Variants in UBE4B observed in about 807,000 individuals in gnomAD.
UBE4B encodes ubiquitin conjugation factor E4 B.
UBE4B carries 27 observed loss-of-function variants against 148.1 expected under a neutral mutation model. The ratio of observed to expected loss-of-function variants is 0.18; its 90% CI spans 0.13 to 0.25. UBE4B has a LOEUF of 0.25. UBE4B is among the 10% of genes least tolerant of loss of function. The pLI is 1.00. For synonymous variants in UBE4B, 596 were observed against 619.3 expected, an observed-to-expected ratio of 0.96 and a Z score of 0.56; for missense variants, 1,170 against 1,662.4, an observed-to-expected ratio of 0.70 and a Z score of 5.15.
At chr1:10,043,210 T>C (rs1182060229) in intron 1 of UBE4B, among the ~76,000 whole-genome samples, 2 of 151,634 alleles carry the variant, frequency 1.3e-5, no homozygotes, top group Admixed American at 6.6e-5. Context: ...AGTTTTACCA[T>C]GTTGACCAGG....
chr1:10,067,057 T>G (rs1644398698), intron 1 of UBE4B, among the ~76,000 whole-genome samples: 1 of 152,220 alleles, frequency 6.6e-6, no homozygotes. Flanking sequence ...GACTGTTTAT[T>G]AAACTTATAA....
intron 8 of UBE4B, among the ~76,000 whole-genome samples, chr1:10,118,011 G>A (rs1473690584): frequency 6.6e-6 from 1 of 152,208 alleles, no homozygotes; most frequent in East Asian, 1.9e-4. Flanking sequence ...TAGTGCAGTG[G>A]AACCCGGTAT....
intron 2 of UBE4B, among the ~76,000 whole-genome samples, chr1:10,083,009 T>C (rs1254995861): frequency 1.3e-5 from 2 of 152,160 alleles, no homozygotes; most frequent in African/African-American, 4.8e-5. Flanking sequence ...TACGGCTGCA[T>C]AGTATTGCAT....
At chr1:10,109,989 G>A (rs1007890762) in intron 7 of UBE4B, among the ~76,000 whole-genome samples, 1 of 152,176 alleles carries the variant, frequency 6.6e-6, no homozygotes. Context: ...GTGAGCCACT[G>A]CGTCCAGCCA....
At chr1:10,108,010 T>A (rs926850914) in intron 7 of UBE4B, among the ~76,000 whole-genome samples, 8 of 152,204 alleles carry the variant, frequency 5.3e-5, no homozygotes, top group African/African-American at 1.9e-4. Flanking sequence ...TGAGGGACCC[T>A]TCATTTATCT....
chr1:10,117,364 C>A (rs1645329608), intron 7 of UBE4B, 95 bp from the exon 8 acceptor site: 1 of 1,541,654 alleles, frequency 6.5e-7, no homozygotes, highest in Admixed American at 1.9e-5. Context: ...GTTATGTGTA[C>A]AGGGATCCTA....
At chr1:10,178,011 A>C (rs1646451730) in intron 25 of UBE4B, among the ~76,000 whole-genome samples, 2 of 151,012 alleles carry the variant, frequency 1.3e-5, no homozygotes, top group Non-Finnish European at 1.5e-5. Flanking sequence ...CCACTCCACA[A>C]CTTCCCTTCC....
At chr1:10,166,967 ACAC>A (rs1182983597) in intron 23 of UBE4B, among the ~76,000 whole-genome samples, 14 of 134,296 alleles carry the variant, frequency 1.0e-4, no homozygotes, top group African/African-American at 4.0e-4. Context: ...ACACACACAC[ACAC>A]AAAAAAAAAA....
chr1:10,059,714 T>A (rs1289595300), intron 1 of UBE4B: 1 of 152,750 alleles, frequency 6.5e-6, no homozygotes, highest in Non-Finnish European at 1.5e-5. Context: ...GCCCCATTCC[T>A]CTATGCCTCT....
chr1:10,144,827 G>A (rs945624730), intron 17 of UBE4B, 113 bp from the exon 18 acceptor site: 3 of 637,116 alleles, frequency 4.7e-6, no homozygotes, highest in Non-Finnish European at 8.1e-6. Context: ...TTTTAAAGAT[G>A]TTACAATGCG....
At chr1:10,112,976 C>T (rs975794507) in intron 7 of UBE4B, among the ~76,000 whole-genome samples, 2 of 152,172 alleles carry the variant, frequency 1.3e-5, no homozygotes, top group Non-Finnish European at 2.9e-5. Context: ...TGCCGCCTTG[C>T]AAGTCAGCTT....
At chr1:10,152,675 G>A (rs1182150579) in intron 21 of UBE4B, among the ~76,000 whole-genome samples, 1 of 151,930 alleles carries the variant, frequency 6.6e-6, no homozygotes, top group Middle Eastern at 3.2e-3. Context: ...GGCGGCGCCT[G>A]TCATCCCAGC....
intron 1 of UBE4B, among the ~76,000 whole-genome samples, chr1:10,055,909 ACT>A (rs1425688770): frequency 1.3e-5 from 2 of 152,010 alleles, no homozygotes; most frequent in African/African-American, 4.8e-5. Context: ...ACAGAGTAAG[ACT>A]CTGTCTCAAA....
rs1372590157 is a variant in UBE4B at position 10,077,819 on chromosome 1, G to A, written c.211+5605G>A. Among the ~76,000 whole-genome samples, 5 of 152,060 alleles carry A rather than the reference G, an allele frequency of 3.3e-5. No homozygotes were observed. In the East Asian group the frequency reaches 9.6e-4, roughly 29 times the overall value. ...TATATAAAATATTTCAAATGTACAT[G>A]ATAACATAACTAGTGCCTATGGAAC... On this transcript the variant is annotated intron_variant, in intron 2 of 27. Transcript: ENST00000343090.
intron 1 of UBE4B, chr1:10,059,086 C>G (rs952249810): frequency 6.6e-6 from 1 of 152,188 alleles, no homozygotes; most frequent in African/African-American, 2.4e-5. Context: ...AAAAGTTAGC[C>G]AGGTGTGGCG....
intron 3 of UBE4B, among the ~76,000 whole-genome samples, chr1:10,100,138 C>T (rs941954004): frequency 5.3e-5 from 8 of 151,862 alleles, no homozygotes; most frequent in African/African-American, 1.9e-4. Context: ...TACAGGTGCC[C>T]ACCACCATGC....
At chr1:10,164,865 T>G (rs1394368456) in intron 23 of UBE4B, among the ~76,000 whole-genome samples, 1 of 152,080 alleles carries the variant, frequency 6.6e-6, no homozygotes, top group Non-Finnish European at 1.5e-5. Flanking sequence ...TTGAGCCTAG[T>G]GGAATTTGGT....
intron 7 of UBE4B, among the ~76,000 whole-genome samples, chr1:10,110,835 A>G (rs142200548): frequency 1.3e-5 from 2 of 152,118 alleles, no homozygotes; most frequent in African/African-American, 4.8e-5. Flanking sequence ...GAAACAGTGG[A>G]AAAGAAATCA....
chr1:10,130,566 C>T lies in UBE4B; in HGVS notation c.1762C>T (p.Leu588Phe), dbSNP rs1645576974. ...TGGCTGTGGGCGGGAGCTGCAGAGACTCTCTTACTTAGGGGCTTTCTTTAG... is the reference window on the plus strand; with the variant it reads ...TGGCTGTGGGCGGGAGCTGCAGAGATTCTCTTACTTAGGGGCTTTCTTTAG... ...SPGCGRELQR[L>F]SYLGAFFSFS... The change falls in exon 13 of 28, where the codon CTC becomes TTC. Residue 588 changes from leucine (L) to phenylalanine (F), a missense_variant. By Grantham distance (22) the Leu-to-Phe change is conservative. Transcript: ENST00000343090. 6.2e-7 allele frequency: 1 copy of T among 1,614,192 alleles called. No individual in the cohort carries two copies. The highest frequency in any genetic ancestry group is 8.5e-7 in the Non-Finnish European group (1 of 1,180,046).
Sources: allele counts gnomAD v4.1 joint callset (sites outside exome capture counted in the v4.1 genomes callset), GRCh38; gene constraint gnomAD v4.1.1; transcripts MANE v1.5; gene names NCBI Gene and HGNC (gene_info 2026-07-23, HGNC 2026-07-21).